The following SOX5 variants were observed in gnomAD, a reference collection of about 807,000 sequenced individuals.
SOX5 encodes SRY-box transcription factor 5.
Under a neutral mutation model 92.0 loss-of-function variants are expected in SOX5, and 9 were observed. The ratio of observed to expected loss-of-function variants is 0.10; its 90% CI spans 0.06 to 0.17. The LOEUF (loss-of-function observed/expected upper bound fraction) is 0.17. SOX5 is among the 10% of genes least tolerant of loss of function. The probability of loss-of-function intolerance (pLI) is 1.00; values close to 1 mark genes in which losing one functional copy is unlikely to be tolerated. For missense variants in SOX5, 642 were observed against 944.5 expected (o/e 0.68, Z 4.20); for synonymous variants, 344 against 336.3 (o/e 1.02, Z -0.25).
At chr12:23,634,970 T>A (rs530973703) in intron 8 of SOX5, among the ~76,000 whole-genome samples, 1 of 152,310 alleles carries the variant, frequency 6.6e-6, no homozygotes, top group African/African-American at 2.4e-5. Context: ...CCATAAAATA[T>A]TTCAAGCACT....
chr12:24,157,719 TAGTC>T (rs1952337734), intron 4 of SOX5, among the ~76,000 whole-genome samples: 1 of 152,104 alleles, frequency 6.6e-6, no homozygotes. Context: ...ATAAATAAAT[TAGTC>T]AGCTAAGTCA....
chr12:23,762,298 TGAGGC>T (rs2094582348), intron 3 of SOX5, among the ~76,000 whole-genome samples: 1 of 152,250 alleles, frequency 6.6e-6, no homozygotes, highest in Admixed American at 6.6e-5. Flanking sequence ...CTCAGGAGGC[TGAGGC>T]GAGAATACTG....
At chr12:24,460,934 T>C (rs1186435926) in intron 1 of SOX5, among the ~76,000 whole-genome samples, 1 of 152,202 alleles carries the variant, frequency 6.6e-6, no homozygotes, top group Non-Finnish European at 1.5e-5. Flanking sequence ...TTTGGTAACT[T>C]AGAATTGGTT....
intron 1 of SOX5, among the ~76,000 whole-genome samples, chr12:24,489,832 T>C (rs1946875292): frequency 6.6e-6 from 1 of 152,190 alleles, no homozygotes; most frequent in African/African-American, 2.4e-5. Flanking sequence ...GCTTTAACTT[T>C]CTCTTCCACA....
At chr12:23,949,735 TCTCTCTCTCTCTCTCTCC>T, upstream of SOX5, 2 of 681,084 alleles carry the variant, frequency 2.9e-6, no homozygotes, top group Non-Finnish European at 4.2e-6. Context: ...TCCCTCCCTC[TCTCTCTCTCTCTCTCTCC>T]CTCTCTCTCT....
At chr12:23,879,508 G>A (rs899350287) in intron 2 of SOX5, among the ~76,000 whole-genome samples, 6 of 152,018 alleles carry the variant, frequency 3.9e-5, no homozygotes, top group Non-Finnish European at 5.9e-5. Flanking sequence ...AGCAAATACT[G>A]AACGTAAGCA....
intron 1 of SOX5, among the ~76,000 whole-genome samples, chr12:24,510,801 C>A (rs1949234952): frequency 6.6e-6 from 1 of 152,084 alleles, no homozygotes; most frequent in South Asian, 2.1e-4. Flanking sequence ...TATCTGGCCT[C>A]AACAAGAATT....
intron 4 of SOX5, among the ~76,000 whole-genome samples, chr12:23,979,908 G>A (rs1172211261): frequency 0.066 from 966 of 14,636 alleles, 11 homozygotes; most frequent in African/African-American, 0.1. Flanking sequence ...TGGCTGGCTG[G>A]CTGGCCAGAC....
rs1217362220 is a variant in SOX5 at position 23,530,455 on chromosome 12, CTT to C, written c.*3762_*3763del. 4 of 149,690 alleles carry C rather than the reference CTT, an allele frequency of 2.7e-5. No individual in the cohort carries two copies. Among genetic ancestry groups the C allele is most frequent in the Non-Finnish European group, 5.9e-5 (4 of 67,546 alleles). 9.3% of individuals were successfully genotyped at this position (149,690 alleles called of 1,614,324 possible). ...TATAAAATAGCTTCACCACAGAAAACTTTTTTATATTTGTTCTTTATAAGAGG... is the reference window on the plus strand; with the variant it reads ...TATAAAATAGCTTCACCACAGAAAACTTTTATATTTGTTCTTTATAAGAGG... On this transcript the variant is annotated 3_prime_UTR_variant, in exon 15 of 15. Transcript: ENST00000451604.
intron 4 of SOX5, among the ~76,000 whole-genome samples, chr12:24,157,611 AAT>A (rs578043617): frequency 1.6e-3 from 249 of 152,224 alleles, no homozygotes; most frequent in South Asian, 8.3e-3. Flanking sequence ...CCTATGGGTC[AAT>A]GTACTCTGAA....
At position 24,254,397 on chromosome 12, in the gene SOX5, C is replaced by A. The variant is rs539578045; in HGVS notation, c.-77+22819G>T. Among the ~76,000 whole-genome samples, 21 of 147,126 alleles carry A rather than the reference C, an allele frequency of 1.4e-4. No homozygotes were observed. In the South Asian group the frequency reaches 1.8e-3, roughly 12 times the overall value. On this transcript the variant is annotated intron_variant, in intron 3 of 4. Transcript: ENST00000446891. ...CATTGTAAGTTGTAAAAAAAAAAGT[C>A]AAAAAAAAATACATCTAATACATCT...
rs987307546 is a variant in SOX5 at position 24,373,302 on chromosome 12, C to T, written c.-250-4663G>A. 4.6e-5 allele frequency among the ~76,000 whole-genome samples: 7 copies of T among 152,102 alleles called. No homozygotes were observed. In the East Asian group the frequency reaches 5.8e-4, roughly 13 times the overall value. The stretch of plus-strand genomic sequence containing the variant: ...TTCTATTCACTTACTGCAACACTAC[C>T]ATATTTTTTATAAAACACTAATCTT... On this transcript the variant is annotated intron_variant, in intron 1 of 4. Coordinates refer to the SOX5 transcript ENST00000446891.
intron 2 of SOX5, among the ~76,000 whole-genome samples, chr12:24,327,624 C>G (rs986711971): frequency 2.6e-5 from 4 of 151,440 alleles, no homozygotes; most frequent in African/African-American, 7.3e-5. Flanking sequence ...CGCTCTGTCC[C>G]CCAGGCTGGA....
chr12:23,788,910 T>C (rs1465091878), intron 3 of SOX5, among the ~76,000 whole-genome samples: 1 of 152,032 alleles, frequency 6.6e-6, no homozygotes, highest in African/African-American at 2.4e-5. Flanking sequence ...TTTCTGTGTT[T>C]ATTATAGCTG....
intron 2 of SOX5, among the ~76,000 whole-genome samples, chr12:24,297,588 T>C (rs1947420219): frequency 6.6e-6 from 1 of 152,302 alleles, no homozygotes; most frequent in East Asian, 1.9e-4. Context: ...AGCTGGCAAA[T>C]GACTCAACAA....
At chr12:23,673,252 A>G (rs374198194) in intron 6 of SOX5, among the ~76,000 whole-genome samples, 1 of 152,158 alleles carries the variant, frequency 6.6e-6, no homozygotes, top group African/African-American at 2.4e-5. Context: ...TCTAATATAT[A>G]GCTATTTCTT....
intron 8 of SOX5, among the ~76,000 whole-genome samples, chr12:23,620,821 T>G (rs1187846656): frequency 2.6e-5 from 4 of 152,104 alleles, no homozygotes; most frequent in Non-Finnish European, 4.4e-5. Flanking sequence ...AAACAACTCT[T>G]AACTTCTGCT....
intron 9 of SOX5, among the ~76,000 whole-genome samples, chr12:23,601,200 T>C (rs2074452629): frequency 6.6e-6 from 1 of 152,180 alleles, no homozygotes; most frequent in African/African-American, 2.4e-5. Context: ...TGTACAATTT[T>C]ACAGTCTTTT....
At chr12:24,323,264 G>A (rs1470493680) in intron 2 of SOX5, among the ~76,000 whole-genome samples, 1 of 151,180 alleles carries the variant, frequency 6.6e-6, no homozygotes, top group Non-Finnish European at 1.5e-5. Context: ...TAGGTTGATA[G>A]AACAAAATAA....
Sources: gnomAD v4.1 joint callset for allele counts (sites outside exome capture counted in the v4.1 genomes callset) on GRCh38, gnomAD v4.1.1 for gene constraint, MANE v1.5 for transcripts, NCBI Gene and HGNC (gene_info 2026-07-23, HGNC 2026-07-21) for gene names.